The following L3MBTL4 variants were observed in gnomAD, a reference collection of about 807,000 sequenced individuals.
L3MBTL4 encodes the protein L3MBTL histone methyl-lysine binding protein 4, also known as lethal(3)malignant brain tumor-like protein 4.
A neutral mutation model predicts 84.5 loss-of-function variants in L3MBTL4; 70 were observed. That is an observed-to-expected ratio of 0.83 (90% CI 0.68 to 1.01). L3MBTL4 has a LOEUF of 1.01. Ranked by LOEUF, L3MBTL4 falls within the 50% of genes least tolerant of loss-of-function variation. L3MBTL4 has a pLI of 0.00. For synonymous variants in L3MBTL4, 274 were observed against 259.8 expected, an observed-to-expected ratio of 1.05 and a Z score of -0.52; for missense variants, 715 against 754.8, an observed-to-expected ratio of 0.95 and a Z score of 0.62.
intron 16 of L3MBTL4, among the ~76,000 whole-genome samples, chr18:6,068,598 C>T (rs1483789843): frequency 2.0e-5 from 3 of 152,186 alleles, no homozygotes; most frequent in Admixed American, 6.5e-5. Flanking sequence ...TTGAGAAGTG[C>T]TCCTCCTGTG....
intron 1 of L3MBTL4, among the ~76,000 whole-genome samples, chr18:6,407,931 A>C (rs1269636292): frequency 6.6e-6 from 1 of 152,216 alleles, no homozygotes; most frequent in Non-Finnish European, 1.5e-5. Flanking sequence ...AGTCTCAAGG[A>C]GGCTTGGAGC....
Position 6,301,891 on chromosome 18 carries a change from G to A in L3MBTL4, c.127+12C>T, listed in dbSNP as rs373507416. 101 of 1,597,496 alleles carry A rather than the reference G, an allele frequency of 6.3e-5. No homozygotes were observed. Among genetic ancestry groups the A allele is most frequent in the Non-Finnish European group, 8.2e-5 (95 of 1,164,936 alleles). On this transcript the variant is annotated intron_variant, in intron 4 of 18. Coordinates refer to ENST00000317931, the MANE Select transcript of L3MBTL4 (RefSeq NM_001330559.2). ...ACTGTGAACTACCACTGTAAATATT[G>A]GTGATAATTACCGTGACTCAAAGGG... is the stretch of plus-strand genomic sequence containing the variant.
At chr18:6,002,592 T>C (rs1054276155) in intron 16 of L3MBTL4, among the ~76,000 whole-genome samples, 1 of 152,232 alleles carries the variant, frequency 6.6e-6, no homozygotes, top group African/African-American at 2.4e-5. Context: ...TGTATGCTAT[T>C]GAAATTAAAC....
chr18:6,142,667 T>C (rs1002487841), intron 13 of L3MBTL4, among the ~76,000 whole-genome samples: 8 of 152,186 alleles, frequency 5.3e-5, no homozygotes, highest in Non-Finnish European at 7.3e-5. Context: ...ACGCATGTAA[T>C]CCCAGAACTT....
At chr18:6,044,734 G>A (rs2056542712) in intron 16 of L3MBTL4, among the ~76,000 whole-genome samples, 1 of 152,200 alleles carries the variant, frequency 6.6e-6, no homozygotes, top group Admixed American at 6.5e-5. Flanking sequence ...GTGGGAATAA[G>A]CACCATGAAG....
intron 1 of L3MBTL4, among the ~76,000 whole-genome samples, chr18:6,339,755 A>C (rs1409852880): frequency 6.6e-6 from 1 of 152,182 alleles, no homozygotes. Context: ...GAAAGGAAGG[A>C]TATGATTACA....
intron 16 of L3MBTL4, among the ~76,000 whole-genome samples, chr18:6,009,457 T>C (rs1176749105): frequency 6.6e-6 from 1 of 152,148 alleles, no homozygotes; most frequent in Non-Finnish European, 1.5e-5. Context: ...TGCTTATGCT[T>C]CCAAAGTCCA....
At chr18:6,189,488 T>G (rs2044956903) in intron 12 of L3MBTL4, among the ~76,000 whole-genome samples, 1 of 152,144 alleles carries the variant, frequency 6.6e-6, no homozygotes, top group Admixed American at 6.5e-5. Context: ...GGCTCTTTTA[T>G]TCACAACATC....
chr18:5,997,666 C>T (rs1447297702), intron 16 of L3MBTL4, among the ~76,000 whole-genome samples: 1 of 152,048 alleles, frequency 6.6e-6, no homozygotes, highest in African/African-American at 2.4e-5. Context: ...CTTACACATA[C>T]TGATTGATGT....
intron 1 of L3MBTL4, among the ~76,000 whole-genome samples, chr18:6,320,384 C>T (rs1334736527): frequency 6.6e-6 from 1 of 152,028 alleles, no homozygotes; most frequent in Non-Finnish European, 1.5e-5. Flanking sequence ...CCTAAAGACT[C>T]CTCCAGAAGT....
At chr18:6,167,844 A>C (rs2043754819) in intron 13 of L3MBTL4, among the ~76,000 whole-genome samples, 2 of 152,194 alleles carry the variant, frequency 1.3e-5, no homozygotes, top group Non-Finnish European at 2.9e-5. Context: ...CAGGCAGAAG[A>C]AGGAAATAAA....
intron 16 of L3MBTL4, among the ~76,000 whole-genome samples, chr18:6,023,450 T>G (rs1333170958): frequency 6.6e-6 from 1 of 152,162 alleles, no homozygotes; most frequent in East Asian, 1.9e-4. Context: ...AACATTCCAG[T>G]GGAAGGTGTA....
chr18:5,976,096 T>C (rs2052915122), intron 16 of L3MBTL4, among the ~76,000 whole-genome samples: 1 of 152,172 alleles, frequency 6.6e-6, no homozygotes, highest in African/African-American at 2.4e-5. Flanking sequence ...GCCCCACACC[T>C]GTGTACTATC....
intron 17 of L3MBTL4, among the ~76,000 whole-genome samples, chr18:5,960,371 G>C (rs373072871): frequency 9.7e-4 from 147 of 152,304 alleles, no homozygotes; most frequent in South Asian, 4.6e-3. Context: ...GACCTGCAGA[G>C]GGTTATGGTT....
intron 14 of L3MBTL4, among the ~76,000 whole-genome samples, chr18:6,112,966 AGT>A (rs2059239818): frequency 1.3e-5 from 2 of 152,276 alleles, no homozygotes. Flanking sequence ...TTGCCTCTAT[AGT>A]GTCCGGGAAT....
At chr18:5,971,009 T>G (rs1298472987) in intron 16 of L3MBTL4, among the ~76,000 whole-genome samples, 1 of 152,232 alleles carries the variant, frequency 6.6e-6, no homozygotes, top group Non-Finnish European at 1.5e-5. Context: ...TCCCCAATTC[T>G]TATGCTCCAG....
At chr18:6,142,248 C>T (rs1039399092) in intron 13 of L3MBTL4, among the ~76,000 whole-genome samples, 4 of 152,166 alleles carry the variant, frequency 2.6e-5, no homozygotes, top group Non-Finnish European at 5.9e-5. Context: ...GTATCTAGCC[C>T]AACACATAGT....
intron 12 of L3MBTL4, among the ~76,000 whole-genome samples, chr18:6,194,512 G>C (rs1371250884): frequency 1.3e-5 from 2 of 152,214 alleles, no homozygotes; most frequent in Non-Finnish European, 2.9e-5. Flanking sequence ...AGCACCGTGG[G>C]AAGTGGCCCA....
intron 13 of L3MBTL4, among the ~76,000 whole-genome samples, chr18:6,151,646 C>T (rs1047457122): frequency 5.3e-5 from 8 of 152,090 alleles, no homozygotes; most frequent in South Asian, 2.1e-4. Context: ...CCACCCGCCT[C>T]GACCTCCCAA....
Sources: gnomAD v4.1 joint callset for allele counts (sites outside exome capture counted in the v4.1 genomes callset) on GRCh38, gnomAD v4.1.1 for gene constraint, MANE v1.5 for transcripts, NCBI Gene and HGNC (gene_info 2026-07-23, HGNC 2026-07-21) for gene names.